HS6ST3: variants seen among roughly 807,000 people sequenced by gnomAD.
The protein encoded by HS6ST3 is heparan sulfate 6-O-sulfotransferase 3.
A neutral mutation model predicts 36.7 loss-of-function variants in HS6ST3; 12 were observed. The observed-to-expected ratio is 0.33, with a 90% CI of 0.21 to 0.53. The LOEUF (loss-of-function observed/expected upper bound fraction) is 0.53, where lower values mean the gene tolerates loss of function less well. Ranked by LOEUF, HS6ST3 falls within the 20% of genes least tolerant of loss-of-function variation. HS6ST3 has a pLI of 0.95. For synonymous variants in HS6ST3, 240 were observed against 257.5 expected, an observed-to-expected ratio of 0.93 and a Z score of 0.65; for missense variants, 584 against 640.9, an observed-to-expected ratio of 0.91 and a Z score of 0.96.
At chr13:96,331,009 C>G (rs2055063328) in intron 1 of HS6ST3, among the ~76,000 whole-genome samples, 2 of 152,108 alleles carry the variant, frequency 1.3e-5, no homozygotes, top group Admixed American at 1.3e-4. Context: ...TCACGTAGTT[C>G]TTGAGCCTTG....
At chr13:96,755,104 C>G (rs1386462783) in intron 1 of HS6ST3, among the ~76,000 whole-genome samples, 1 of 152,030 alleles carries the variant, frequency 6.6e-6, no homozygotes, top group Admixed American at 6.6e-5. Context: ...TGACCTCCAA[C>G]TTAATATATA....
intron 1 of HS6ST3, among the ~76,000 whole-genome samples, chr13:96,127,089 C>T (rs2053955763): frequency 6.6e-6 from 1 of 152,138 alleles, no homozygotes; most frequent in Non-Finnish European, 1.5e-5. Flanking sequence ...CTGTAATGGA[C>T]TGAATGTTTA....
chr13:96,116,222 T>C lies in HS6ST3; in HGVS notation c.707+24653T>C, dbSNP rs533119441. Among the ~76,000 whole-genome samples, 6 of 152,310 alleles carry C rather than the reference T, an allele frequency of 3.9e-5. No individual in the cohort carries two copies. The South Asian group carries it at 1.2e-3, about 32-fold the overall frequency. ...GACTCGAGTGCATAGTCTGTTCACTTACTGGCTTCTTTTACACTGCTACTA... is the reference window on the plus strand; with the variant it reads ...GACTCGAGTGCATAGTCTGTTCACTCACTGGCTTCTTTTACACTGCTACTA... On this transcript the variant is annotated intron_variant, in intron 1 of 1. Coordinates refer to ENST00000376705, the MANE Select transcript of HS6ST3 (RefSeq NM_153456.4).
chr13:96,398,405 C>T (rs1173836318), intron 1 of HS6ST3, among the ~76,000 whole-genome samples: 1 of 152,118 alleles, frequency 6.6e-6, no homozygotes, highest in Non-Finnish European at 1.5e-5. Context: ...GCCTCAGCCT[C>T]CCAAGTAGCT....
At chr13:96,394,320 T>A (rs2055410376) in intron 1 of HS6ST3, among the ~76,000 whole-genome samples, 1 of 150,586 alleles carries the variant, frequency 6.6e-6, no homozygotes, top group African/African-American at 2.5e-5. Context: ...TAGAATGGAA[T>A]GGCCACAGCT....
intron 1 of HS6ST3, among the ~76,000 whole-genome samples, chr13:96,791,449 A>T (rs1877791876): frequency 6.6e-6 from 1 of 151,944 alleles, no homozygotes; most frequent in Non-Finnish European, 1.5e-5. Flanking sequence ...GGTCCCTCTG[A>T]GCCCAGATGT....
In HS6ST3 at chr13:96,354,194, G is replaced by A. The variant is rs187053862; in HGVS notation, c.707+262625G>A. ...AAAAACTATGCATGTATTTATTAAA[G>A]AGAGTTAGCTGACAGGGATATGCTG... On this transcript the variant is annotated intron_variant, in intron 1 of 1. Transcript: ENST00000376705. Among the ~76,000 whole-genome samples, 5 of 152,320 alleles carry A rather than the reference G, an allele frequency of 3.3e-5. No homozygotes were observed. In the East Asian group the frequency reaches 9.6e-4, roughly 29 times the overall value.
At chr13:96,125,366 G>A (rs2053945503) in intron 1 of HS6ST3, among the ~76,000 whole-genome samples, 2 of 152,148 alleles carry the variant, frequency 1.3e-5, no homozygotes, top group Admixed American at 1.3e-4. Flanking sequence ...ATACTGGTGT[G>A]TTAGGAGAAA....
chr13:96,691,218 T>C (rs1874947790), intron 1 of HS6ST3, among the ~76,000 whole-genome samples: 1 of 152,144 alleles, frequency 6.6e-6, no homozygotes, highest in African/African-American at 2.4e-5. Flanking sequence ...ATTGATAAGT[T>C]GTCACAGGGC....
At chr13:96,271,919 C>G (rs866486138) in intron 1 of HS6ST3, among the ~76,000 whole-genome samples, 4 of 151,910 alleles carry the variant, frequency 2.6e-5, no homozygotes, top group Admixed American at 1.3e-4. Context: ...TTTACAAGGG[C>G]AGAGATGCTA....
chr13:96,118,314 C>G (rs2139304119), intron 1 of HS6ST3, among the ~76,000 whole-genome samples: 1 of 152,162 alleles, frequency 6.6e-6, no homozygotes, highest in Admixed American at 6.5e-5. Flanking sequence ...GAGGGAAGAT[C>G]ATGTGAAGAC....
intron 1 of HS6ST3, among the ~76,000 whole-genome samples, chr13:96,275,327 C>A (rs2054742647): frequency 6.6e-6 from 1 of 152,098 alleles, no homozygotes; most frequent in Non-Finnish European, 1.5e-5. Flanking sequence ...CAATTTCATG[C>A]CTGACTAGAC....
intron 1 of HS6ST3, among the ~76,000 whole-genome samples, chr13:96,372,925 A>T (rs529577620): frequency 2.6e-5 from 4 of 151,984 alleles, no homozygotes; most frequent in Admixed American, 6.6e-5. Flanking sequence ...TCAAAGAGAA[A>T]TTTTTTTCTC....
chr13:96,380,617 A>G (rs1014463400), intron 1 of HS6ST3, among the ~76,000 whole-genome samples: 3 of 152,180 alleles, frequency 2.0e-5, no homozygotes, highest in Non-Finnish European at 4.4e-5. Context: ...TCAGGTATCT[A>G]CTTTATCAGT....
chr13:96,494,294 C>T (rs1051747055), intron 1 of HS6ST3, among the ~76,000 whole-genome samples: 12 of 146,730 alleles, frequency 8.2e-5, no homozygotes, highest in Admixed American at 7.1e-4. Flanking sequence ...ATCGCAAGGA[C>T]AAAAAACCAA....
chr13:96,827,156 G>A (rs1367709639), intron 1 of HS6ST3, among the ~76,000 whole-genome samples: 1 of 152,152 alleles, frequency 6.6e-6, no homozygotes, highest in African/African-American at 2.4e-5. Context: ...ATCACGGGGT[G>A]CCTAAGATCT....
intron 1 of HS6ST3, among the ~76,000 whole-genome samples, chr13:96,719,925 G>A (rs1310892957): frequency 1.3e-5 from 2 of 152,196 alleles, no homozygotes; most frequent in East Asian, 1.9e-4. Context: ...AAGGGCTCAC[G>A]CCTTCACAGG....
chr13:96,730,217 C>A (rs956349027), intron 1 of HS6ST3, among the ~76,000 whole-genome samples: 3 of 152,202 alleles, frequency 2.0e-5, no homozygotes, highest in Admixed American at 2.0e-4. Flanking sequence ...CTGAATCTGA[C>A]ATTTATTCCC....
chr13:96,443,444 G>C (rs1366799953), intron 1 of HS6ST3, among the ~76,000 whole-genome samples: 1 of 149,586 alleles, frequency 6.7e-6, no homozygotes, highest in African/African-American at 2.5e-5. Flanking sequence ...GCAGGAGAAT[G>C]GCATGAACCC....
Sources: gnomAD v4.1 joint callset for allele counts (sites outside exome capture counted in the v4.1 genomes callset) on GRCh38, gnomAD v4.1.1 for gene constraint, MANE v1.5 for transcripts, NCBI Gene and HGNC (gene_info 2026-07-23, HGNC 2026-07-21) for gene names.